The following LNPK variants were observed in gnomAD, a reference collection of about 807,000 sequenced individuals.
The protein encoded by LNPK is endoplasmic reticulum junction formation protein lunapark.
A neutral mutation model predicts 55.2 loss-of-function variants in LNPK; 29 were observed. The observed-to-expected ratio is 0.53, with a 90% CI of 0.39 to 0.72. The LOEUF is 0.72. LNPK is among the 30% of genes least tolerant of loss of function. The pLI, the probability that LNPK is intolerant of heterozygous loss-of-function variation, is 0.00. For missense variants in LNPK, 467 were observed against 494.8 expected (o/e 0.94, Z 0.53); for synonymous variants, 162 against 168.2 (o/e 0.96, Z 0.29).
intron 4 of LNPK, among the ~76,000 whole-genome samples, chr2:175,987,793 A>C (rs1687498724): frequency 6.6e-6 from 1 of 152,212 alleles, no homozygotes; most frequent in Non-Finnish European, 1.5e-5. Context: ...TGCTACTTGG[A>C]ATATTACTAC....
At chr2:175,945,472 C>G (rs976124361) in intron 9 of LNPK, among the ~76,000 whole-genome samples, 2 of 145,872 alleles carry the variant, frequency 1.4e-5, no homozygotes, top group South Asian at 2.2e-4. Context: ...TGACACTGCA[C>G]TCCAGCCTGG....
intron 8 of LNPK, among the ~76,000 whole-genome samples, chr2:175,961,488 G>C (rs545221371): frequency 6.6e-6 from 1 of 152,110 alleles, no homozygotes; most frequent in African/African-American, 2.4e-5. Flanking sequence ...AAAGGCCTTC[G>C]ACAAAATTCA....
At chr2:175,987,382 A>G (rs1157149642) in intron 4 of LNPK, among the ~76,000 whole-genome samples, 1 of 152,174 alleles carries the variant, frequency 6.6e-6, no homozygotes, top group Non-Finnish European at 1.5e-5. Context: ...ATGGACATGG[A>G]TGAAACTGGA....
At chr2:175,971,905 A>G (rs1170433375) in intron 5 of LNPK, among the ~76,000 whole-genome samples, 1 of 152,176 alleles carries the variant, frequency 6.6e-6, no homozygotes, top group Non-Finnish European at 1.5e-5. Context: ...TGGGCCAAAA[A>G]GCAAAATCAA....
At chr2:175,944,796 G>A (rs1685039837) in intron 9 of LNPK, among the ~76,000 whole-genome samples, 1 of 152,102 alleles carries the variant, frequency 6.6e-6, no homozygotes, top group Non-Finnish European at 1.5e-5. Flanking sequence ...GAATAAAAAG[G>A]AAATTTGATT....
Position 175,930,215 on chromosome 2 carries a change from T to G in LNPK, c.1055-16A>C. On this transcript the variant is annotated splice_polypyrimidine_tract_variant and intron_variant, in intron 12 of 12. Coordinates refer to ENST00000272748, the MANE Select transcript of LNPK (RefSeq NM_030650.3). ...TCTAAAGATTCTGAAAAGATAAAGA[T>G]TCAAAACTTTAGGAATACCTGAACG... The G allele has an allele frequency of 1.2e-6, 2 of 1,605,370 alleles. No homozygotes were observed. The highest frequency in any genetic ancestry group is 1.7e-6 in the Non-Finnish European group (2 of 1,176,348).
At chr2:175,946,532 T>C (rs1685128787) in intron 9 of LNPK, among the ~76,000 whole-genome samples, 1 of 152,144 alleles carries the variant, frequency 6.6e-6, no homozygotes, top group East Asian at 1.9e-4. Context: ...AAGAGTTTTT[T>C]TAGTCTTCTA....
intron 1 of LNPK, among the ~76,000 whole-genome samples, chr2:175,997,881 G>A (rs1019919780): frequency 5.9e-5 from 9 of 151,568 alleles, no homozygotes; most frequent in African/African-American, 2.2e-4. Flanking sequence ...TGGGACTATA[G>A]GCATGGGCCA....
At chr2:175,978,348 TCA>T (rs1687009123) in intron 5 of LNPK, among the ~76,000 whole-genome samples, 1 of 152,184 alleles carries the variant, frequency 6.6e-6, no homozygotes, top group African/African-American at 2.4e-5. Context: ...GACCAATCCC[TCA>T]CAGATACTGA....
chr2:175,980,918 A>AAG (rs1553507334), intron 4 of LNPK, among the ~76,000 whole-genome samples: 2 of 151,962 alleles, frequency 1.3e-5, no homozygotes, highest in Non-Finnish European at 2.9e-5. Context: ...AAAAAAAAAA[A>AAG]AAAGAAAGAA....
rs755920455 is a variant in LNPK, at chr2:175,947,632, T to C, written c.554A>G (p.Gln185Arg). The change falls in exon 9 of 13, where the codon CAG becomes CGG. Residue 185 changes from glutamine (Q) to arginine (R), a missense_variant. Gln to Arg is a conservative substitution (Grantham distance 43). Transcript: ENST00000272748. The part of the protein sequence containing the change: ...NLSPTPASPN[Q>R]GPPPQVPVSP... ...TACTGGAACTTGTGGAGGAGGGCCC[T>C]GGTTAGGGCTTGCTGGTGTTGGAGA... The C allele has an allele frequency of 5.0e-6, 8 of 1,613,776 alleles. No homozygotes were observed. Among genetic ancestry groups the C allele is most frequent in the Non-Finnish European group, 6.8e-6 (8 of 1,179,932 alleles).
intron 4 of LNPK, among the ~76,000 whole-genome samples, chr2:175,988,644 C>T (rs1232176405): frequency 6.6e-6 from 1 of 151,550 alleles, no homozygotes; most frequent in Non-Finnish European, 1.5e-5. Context: ...CATGTTTAGG[C>T]AAAATAGTAA....
At chr2:175,942,862 TAAAG>T (rs1315662115) in intron 9 of LNPK, among the ~76,000 whole-genome samples, 5 of 145,032 alleles carry the variant, frequency 3.4e-5, no homozygotes, top group African/African-American at 1.3e-4. Context: ...ACAAAAATAA[TAAAG>T]AAAAGCTGGT....
At chr2:175,987,641 TG>T (rs1316567494) in intron 4 of LNPK, among the ~76,000 whole-genome samples, 5 of 150,108 alleles carry the variant, frequency 3.3e-5, no homozygotes, top group Non-Finnish European at 5.9e-5. Flanking sequence ...ACCTGCACAT[TG>T]TGCACATGTA....
chr2:175,970,878 A>G lies in LNPK; in HGVS notation c.317-74T>C, dbSNP rs544577183. The G allele has an allele frequency of 2.3e-5, 28 of 1,230,420 alleles. No homozygotes were observed. In the African/African-American group the frequency reaches 4.3e-4, roughly 19 times the overall value. 76.2% of individuals were successfully genotyped at this position (1,230,420 alleles called of 1,614,324 possible). The stretch of plus-strand genomic sequence containing the variant: ...AAAATCACGCCAAATGACACACGGT[A>G]GCAAACACAAGAAAACTTTCTTATT... On this transcript the variant is annotated intron_variant, in intron 5 of 12. Transcript: ENST00000272748.
intron 8 of LNPK, among the ~76,000 whole-genome samples, chr2:175,951,134 T>A (rs529366488): frequency 9.2e-5 from 14 of 152,052 alleles, no homozygotes; most frequent in Non-Finnish European, 1.6e-4. Flanking sequence ...CTAGAAGGTT[T>A]TGTCTTTGTT....
chr2:175,966,284 G>A (rs1275480529), intron 6 of LNPK, among the ~76,000 whole-genome samples: 2 of 152,140 alleles, frequency 1.3e-5, no homozygotes, highest in South Asian at 2.1e-4. Flanking sequence ...GGCTGGTCTC[G>A]AACTCTTGGC....
chr2:175,975,130 A>G (rs1686851187), intron 5 of LNPK, among the ~76,000 whole-genome samples: 1 of 152,062 alleles, frequency 6.6e-6, no homozygotes, highest in African/African-American at 2.4e-5. Flanking sequence ...AAACAGTATC[A>G]GAAGCTTAAA....
intron 2 of LNPK, among the ~76,000 whole-genome samples, chr2:175,994,644 CGCGTAGCTGGGATTGCAG>C: frequency 6.6e-6 from 1 of 151,896 alleles, no homozygotes; most frequent in Non-Finnish European, 1.5e-5. Context: ...CTCAGCCTCC[CGCGTAGCTGGGATTGCAG>C]GCGCCCACCA....
Sources: allele counts gnomAD v4.1 joint callset (sites outside exome capture counted in the v4.1 genomes callset), GRCh38; gene constraint gnomAD v4.1.1; transcripts MANE v1.5; gene names NCBI Gene and HGNC (gene_info 2026-07-23, HGNC 2026-07-21).